Variants in PDE1C observed in about 807,000 individuals in gnomAD.
PDE1C encodes the protein phosphodiesterase 1C.
A neutral mutation model predicts 93.1 loss-of-function variants in PDE1C; 62 were observed. The observed-to-expected ratio is 0.67, with a 90% confidence interval of 0.54 to 0.82. The LOEUF is 0.82. PDE1C is among the 40% of genes least tolerant of loss of function. PDE1C has a pLI of 0.00. For synonymous variants in PDE1C, 325 were observed against 310.1 expected (o/e 1.05, Z -0.50); for missense variants, 742 against 884.6 (o/e 0.84, Z 2.04).
intron 1 of PDE1C, among the ~76,000 whole-genome samples, chr7:32,363,593 T>C (rs1784178322): frequency 6.6e-6 from 1 of 152,228 alleles, no homozygotes; most frequent in Admixed American, 6.5e-5. Context: ...TTCCAAGCAG[T>C]GTGTTTGAGG....
intron 2 of PDE1C, among the ~76,000 whole-genome samples, chr7:31,921,693 T>TA (rs1480928432): frequency 3.9e-4 from 60 of 152,076 alleles, no homozygotes; most frequent in Non-Finnish European, 7.8e-4. Context: ...AGCTTGATAA[T>TA]AAAAAAACAC....
intron 17 of PDE1C, among the ~76,000 whole-genome samples, chr7:31,774,007 G>A (rs930512036): frequency 2.6e-5 from 4 of 152,174 alleles, no homozygotes; most frequent in African/African-American, 4.8e-5. Flanking sequence ...GTTATTCGGC[G>A]GATGTGGAGT....
chr7:31,619,747 C>G, the PDE1C span, among the ~76,000 whole-genome samples: 14 of 152,230 alleles, frequency 9.2e-5, no homozygotes, highest in East Asian at 3.9e-4. Context: ...GAGTGCCAGA[C>G]AGTGGGCGCA....
At chr7:32,152,517 C>T (rs923487907) in intron 3 of PDE1C, among the ~76,000 whole-genome samples, 3 of 152,236 alleles carry the variant, frequency 2.0e-5, no homozygotes, top group Admixed American at 2.0e-4. Flanking sequence ...CCTAAGGGTT[C>T]CAGGCTGATG....
At chr7:32,325,168 C>G (rs1783381738) in intron 1 of PDE1C, among the ~76,000 whole-genome samples, 1 of 152,248 alleles carries the variant, frequency 6.6e-6, no homozygotes. Flanking sequence ...GTGACCACCA[C>G]TACCACCTCT....
chr7:31,852,353 T>C (rs1014762059), intron 7 of PDE1C, among the ~76,000 whole-genome samples: 2 of 151,744 alleles, frequency 1.3e-5, no homozygotes, highest in African/African-American at 2.4e-5. Context: ...AAAACACAAA[T>C]TGAGGTACAC....
intron 1 of PDE1C, among the ~76,000 whole-genome samples, chr7:32,236,944 A>C (rs377058794): frequency 1.8e-4 from 27 of 152,160 alleles, no homozygotes; most frequent in African/African-American, 6.3e-4. Flanking sequence ...ATACAGTGGA[A>C]TACTACTACT....
At chr7:31,692,510 T>C in the PDE1C span, 4 of 1,603,586 alleles carry the variant, frequency 2.5e-6, no homozygotes, top group Non-Finnish European at 2.6e-6. Flanking sequence ...TAGACCCTCG[T>C]TGCAGCCACT....
At chr7:32,078,886 A>AT (rs1208339700) in intron 3 of PDE1C, among the ~76,000 whole-genome samples, 1 of 151,184 alleles carries the variant, frequency 6.6e-6, no homozygotes, top group East Asian at 2.0e-4. Context: ...TGATCACAGG[A>AT]TTACACTCCA....
the PDE1C span, among the ~76,000 whole-genome samples, chr7:31,685,333 T>C: frequency 2.0e-5 from 3 of 152,202 alleles, no homozygotes; most frequent in Non-Finnish European, 4.4e-5. Flanking sequence ...AAATGTTCTG[T>C]ATATATTCAT....
intron 1 of PDE1C, among the ~76,000 whole-genome samples, chr7:32,242,009 A>G (rs1400743809): frequency 6.6e-6 from 1 of 152,140 alleles, no homozygotes. Flanking sequence ...AGAGTGGGCA[A>G]ATTTTGAGAA....
the PDE1C span, among the ~76,000 whole-genome samples, chr7:31,732,521 C>T: frequency 0.017 from 2,516 of 152,208 alleles, 60 homozygotes; most frequent in African/African-American, 0.056. Flanking sequence ...AGTATAGAAA[C>T]TTTGGCTGCG....
At chr7:31,899,148 T>TTTA (rs1182968997) in intron 2 of PDE1C, among the ~76,000 whole-genome samples, 1 of 144,622 alleles carries the variant, frequency 6.9e-6, no homozygotes, top group Non-Finnish European at 1.5e-5. Flanking sequence ...TTTTTTTTTT[T>TTTA]TTTTTTTTGA....
chr7:31,793,810 A>C (rs1311673279), intron 16 of PDE1C, among the ~76,000 whole-genome samples: 1 of 151,888 alleles, frequency 6.6e-6, no homozygotes, highest in Non-Finnish European at 1.5e-5. Context: ...CGTTATTTTC[A>C]ACATGTGCAT....
chr7:32,181,137 G>C (rs892450491), intron 2 of PDE1C, among the ~76,000 whole-genome samples: 2 of 152,140 alleles, frequency 1.3e-5, no homozygotes, highest in East Asian at 3.9e-4. Flanking sequence ...GGAGCACCCA[G>C]ATTCATAAAG....
At chr7:31,981,399 T>A (rs1244018094) in intron 2 of PDE1C, among the ~76,000 whole-genome samples, 1 of 152,182 alleles carries the variant, frequency 6.6e-6, no homozygotes, top group Non-Finnish European at 1.5e-5. Flanking sequence ...TTATATCACA[T>A]CTTCACTTAA....
At chr7:31,912,657 A>G (rs144179733) in intron 2 of PDE1C, among the ~76,000 whole-genome samples, 65 of 152,254 alleles carry the variant, frequency 4.3e-4, no homozygotes, top group African/African-American at 1.4e-3. Flanking sequence ...ACTGCACTCT[A>G]GCCTGGGTGA....
At chr7:32,070,153 C>T in intron 1 of PDE1C, 140 bp downstream of exon 1, 1 of 1,411,876 alleles carries the variant, frequency 7.1e-7, no homozygotes, top group South Asian at 1.4e-5. Flanking sequence ...CTGTAATTAA[C>T]AGAGCAGCAG....
chr7:31,694,475 T>C, the PDE1C span, among the ~76,000 whole-genome samples: 1 of 151,376 alleles, frequency 6.6e-6, no homozygotes, highest in Non-Finnish European at 1.5e-5. Flanking sequence ...TTTCTAGAAA[T>C]GAAGGTGCAA....
Sources: allele counts gnomAD v4.1 joint callset (sites outside exome capture counted in the v4.1 genomes callset), GRCh38; gene constraint gnomAD v4.1.1; transcripts MANE v1.5; gene names NCBI Gene and HGNC (gene_info 2026-07-23, HGNC 2026-07-21).